KIR2DL3: variants seen among roughly 807,000 people sequenced by gnomAD.
KIR2DL3 encodes killer cell immunoglobulin like receptor, two Ig domains and long cytoplasmic tail 3.
In KIR2DL3, 39 loss-of-function variants were observed where a neutral mutation model predicts 33.8. The ratio of observed to expected loss-of-function variants is 1.15; its 90% CI spans 0.89 to 1.51. The LOEUF (loss-of-function observed/expected upper bound fraction) is 1.51. Among genes scored for constraint, KIR2DL3 ranks in the 40% most tolerant of loss-of-function variants. The pLI is 0.00. For synonymous variants in KIR2DL3, 174 were observed against 160.2 expected, an observed-to-expected ratio of 1.09 and a Z score of -0.65; for missense variants, 462 against 426.2, an observed-to-expected ratio of 1.08 and a Z score of -0.74.
At chr19:54,748,654 C>T (rs1215457115) in intron 5 of KIR2DL3, among the ~76,000 whole-genome samples, 31 of 145,798 alleles carry the variant, frequency 2.1e-4, no homozygotes, top group Non-Finnish European at 4.5e-4. Context: ...CAGAGTCGCC[C>T]TCTGTCTTCC....
At chr19:54,746,447 T>G (rs2072499981) in intron 4 of KIR2DL3, among the ~76,000 whole-genome samples, 1 of 147,532 alleles carries the variant, frequency 6.8e-6, no homozygotes, top group Non-Finnish European at 1.5e-5. Context: ...TTTGAAGGTT[T>G]AAAACAAAAT....
At chr19:54,750,362 G>A (rs1313652673) in intron 5 of KIR2DL3, among the ~76,000 whole-genome samples, 7 of 141,780 alleles carry the variant, frequency 4.9e-5, no homozygotes, top group Admixed American at 3.7e-4. Flanking sequence ...ATAGATGGCC[G>A]AGGGGGTGGT....
intron 3 of KIR2DL3, among the ~76,000 whole-genome samples, chr19:54,743,298 CAG>C (rs1176925855): frequency 9.2e-5 from 14 of 151,714 alleles, no homozygotes; most frequent in Admixed American, 9.2e-4. Context: ...GAGAGGCAGA[CAG>C]AAATCATAGA....
intron 4 of KIR2DL3, among the ~76,000 whole-genome samples, chr19:54,746,199 T>C (rs1464569546): frequency 7.4e-6 from 1 of 134,768 alleles, no homozygotes; most frequent in African/African-American, 2.8e-5. Context: ...GAGCACTTTT[T>C]AGTATGTGGG....
At chr19:54,747,523 A>G (rs2072737400) in intron 5 of KIR2DL3, 138 bp downstream of exon 5, 1 of 1,162,236 alleles carries the variant, frequency 8.6e-7, no homozygotes, top group Non-Finnish European at 1.3e-6. Context: ...AGATACTCCA[A>G]CAGCGAAAGG....
chr19:54,746,276 T>G (rs1416754549), intron 4 of KIR2DL3, among the ~76,000 whole-genome samples: 1 of 134,330 alleles, frequency 7.4e-6, no homozygotes. Context: ...TTGAGCTTCT[T>G]ATATTTCTAG....
At position 54,751,226 on chromosome 19, in the gene KIR2DL3, C is replaced by T. The variant is rs8099889; in HGVS notation, c.716-423C>T. ...AGAGATCACACGGCAAGAGAGGGAGCAAGGGGGAGGGGGAGCGATGGAGCT... is the reference window on the plus strand; with the variant it reads ...AGAGATCACACGGCAAGAGAGGGAGTAAGGGGGAGGGGGAGCGATGGAGCT... On this transcript the variant is annotated intron_variant, in intron 5 of 7. Coordinates refer to ENST00000342376, the MANE Select transcript of KIR2DL3 (RefSeq NM_015868.3). Among the ~76,000 whole-genome samples the T allele has an allele frequency of 8.3e-3, 999 of 120,724 alleles. 159 individuals are homozygous for T. The highest frequency in any genetic ancestry group is 0.025 in the African/African-American group (798 of 31,488). 79.2% of individuals were successfully genotyped at this position (120,724 alleles called of 152,430 possible).
chr19:54,742,393 C>T, intron 3 of KIR2DL3, 114 bp downstream of exon 3: 17 of 1,452,430 alleles, frequency 1.2e-5, no homozygotes, highest in Non-Finnish European at 1.6e-5. Flanking sequence ...TGGAGAGAGA[C>T]TGACTTGCTG....
intron 5 of KIR2DL3, among the ~76,000 whole-genome samples, chr19:54,748,251 T>C (rs201617527): frequency 0.032 from 3,747 of 116,284 alleles, no homozygotes; most frequent in Middle Eastern, 0.095. Flanking sequence ...CCTTCTTCCT[T>C]ATCTTTTGAA....
chr19:54,739,324 G>C (rs1475390608), intron 1 of KIR2DL3, among the ~76,000 whole-genome samples, 183 bp from the exon 2 acceptor site: 660 of 152,170 alleles, frequency 4.3e-3, no homozygotes, highest in African/African-American at 0.015. Flanking sequence ...GTGGGGATAT[G>C]GGCCTGGAAA....
chr19:54,739,639 A>G (rs13344915), intron 2 of KIR2DL3, 97 bp downstream of exon 2: 90,098 of 1,130,524 alleles, frequency 0.08, 2 homozygotes, highest in South Asian at 0.13. Context: ...CTCATAAACT[A>G]GGAAGAGAGG....
chr19:54,752,437 A>T lies in KIR2DL3; in HGVS notation c.944A>T (p.Lys315Ile), dbSNP rs1172969540. ...AATCACTGCGTTTTCACACAGAGAA[A>T]AATCACTCGCCCTTCTCAGAGGCCC... The part of the protein sequence containing the change: ...QLNHCVFTQR[K>I]ITRPSQRPKT... Residue 315 changes from lysine (K) to isoleucine (I), a missense_variant, in exon 8 of 8, where the codon AAA becomes ATA. Physicochemically the swap from Lys to Ile is moderately radical, Grantham distance 102. Coordinates refer to ENST00000342376, the MANE Select transcript of KIR2DL3 (RefSeq NM_015868.3). The T allele has an allele frequency of 6.8e-7, 1 of 1,467,088 alleles. No homozygotes were observed. The highest frequency in any genetic ancestry group is 9.3e-7 in the Non-Finnish European group (1 of 1,078,226). The allele number at this position is 1,467,088 out of a possible 1,614,324, so 90.9% of individuals were successfully genotyped here.
chr19:54,751,840 A>T lies in KIR2DL3; in HGVS notation c.820+87A>T, dbSNP rs181580645. 36 of 1,134,226 alleles carry T rather than the reference A, an allele frequency of 3.2e-5. 5 individuals carry two copies. The highest frequency in any genetic ancestry group is 4.4e-5 in the Non-Finnish European group (35 of 794,196). 70.3% of individuals were successfully genotyped at this position (1,134,226 alleles called of 1,614,324 possible). Reference sequence around the variant, plus strand: ...ACTCAGGTGTGTGTTCCTCACAGACAGGATGGTCCCTGGCCCAAGGCAGCA... The same window carrying T: ...ACTCAGGTGTGTGTTCCTCACAGACTGGATGGTCCCTGGCCCAAGGCAGCA... On this transcript the variant is annotated intron_variant, in intron 6 of 7. Transcript: ENST00000342376.
chr19:54,752,087 C>G, intron 6 of KIR2DL3, 129 bp from the exon 7 acceptor site: 1 of 1,047,438 alleles, frequency 9.5e-7, no homozygotes, highest in Non-Finnish European at 1.4e-6. Flanking sequence ...GATAGAATGT[C>G]TGAGTCTGCT....
chr19:54,749,029 G>A (rs1240694922), intron 5 of KIR2DL3, among the ~76,000 whole-genome samples: 1 of 152,082 alleles, frequency 6.6e-6, no homozygotes, highest in Non-Finnish European at 1.5e-5. Flanking sequence ...AACACGGATT[G>A]AACCCCTGAA....
chr19:54,752,108 G>C, intron 6 of KIR2DL3, 108 bp from the exon 7 acceptor site: 1 of 1,237,938 alleles, frequency 8.1e-7, no homozygotes, highest in Non-Finnish European at 1.1e-6. Context: ...GTTGGCAACT[G>C]AGGGACCTCA....
chr19:54,747,357 T>C lies in KIR2DL3; in HGVS notation c.687T>C (p.Pro229=), dbSNP rs1225953571. The C allele has an allele frequency of 1.9e-6, 3 of 1,611,580 alleles. No individual in the cohort carries two copies. Among genetic ancestry groups the C allele is most frequent in the Non-Finnish European group, 2.5e-6 (3 of 1,178,436 alleles). Residue 229 remains proline, a synonymous_variant, in exon 5 of 8, where the codon CCT becomes CCC. Coordinates refer to ENST00000342376, the MANE Select transcript of KIR2DL3 (RefSeq NM_015868.3). The part of the protein sequence containing the change: ...SVTGNPSNSW[P]SPTEPSSETG... The stretch of plus-strand genomic sequence containing the variant: ...TAGGAAACCCTTCAAATAGTTGGCC[T>C]TCACCCACTGAACCAAGCTCCGAAA...
At chr19:54,748,842 G>C (rs1382029264) in intron 5 of KIR2DL3, among the ~76,000 whole-genome samples, 4 of 148,644 alleles carry the variant, frequency 2.7e-5, no homozygotes, top group Non-Finnish European at 4.5e-5. Context: ...GGCCAAGCTT[G>C]TCTGAAACTC....
At chr19:54,741,398 C>G (rs1319616720) in intron 2 of KIR2DL3, among the ~76,000 whole-genome samples, 6 of 152,024 alleles carry the variant, frequency 3.9e-5, no homozygotes, top group Non-Finnish European at 5.9e-5. Flanking sequence ...ACCCTGAGAT[C>G]AGCAAGGGTG....
Sources: allele counts gnomAD v4.1 joint callset (sites outside exome capture counted in the v4.1 genomes callset), GRCh38; gene constraint gnomAD v4.1.1; transcripts MANE v1.5; gene names NCBI Gene and HGNC (gene_info 2026-07-23, HGNC 2026-07-21).